Variants in KLHDC7B observed in about 807,000 individuals in gnomAD.
KLHDC7B encodes the protein kelch domain-containing protein 7B.
A neutral mutation model predicts 0.6 loss-of-function variants in KLHDC7B; 1 was observed. The observed-to-expected ratio is 1.71, with a 90% CI of 0.61 to 8.11. The LOEUF is 8.11. Among genes scored for constraint, KLHDC7B ranks in the 30% most tolerant of loss-of-function variants. The pLI, the probability that KLHDC7B is intolerant of heterozygous loss-of-function variation, is 0.13. For synonymous variants in KLHDC7B, 462 were observed against 405.2 expected, an observed-to-expected ratio of 1.14 and a Z score of -1.68; for missense variants, 993 against 894.9, an observed-to-expected ratio of 1.11 and a Z score of -1.40.
Position 50,550,091 on chromosome 22 carries a change from T to C in KLHDC7B, c.*140T>C. ...TTCTGGACAACTTTCCCCTTCTGCT[T>C]TAAAGGTTGTCGATTATTTTGAAGC... On this transcript the variant is annotated 3_prime_UTR_variant, in exon 1 of 1. Coordinates refer to ENST00000648057, the MANE Select transcript of KLHDC7B (RefSeq NM_138433.5). 1 of 904,796 alleles carries C rather than the reference T, an allele frequency of 1.1e-6. No individual in the cohort carries two copies. Among genetic ancestry groups the C allele is most frequent in the Non-Finnish European group, 1.6e-6 (1 of 617,546 alleles). 56.0% of individuals were successfully genotyped at this position (904,796 alleles called of 1,614,324 possible).
rs749997916 is a variant in KLHDC7B, at chr22:50,549,161, G to T, written c.2918G>T (p.Trp973Leu). 6.2e-7 allele frequency: 1 copy of T among 1,604,576 alleles called. No individual in the cohort carries two copies. The highest frequency in any genetic ancestry group is 1.1e-5 in the South Asian group (1 of 91,072). Residue 973 changes from tryptophan to leucine, a missense_variant, in exon 1 of 1, where the codon TGG becomes TTG. Physicochemically the swap from Trp to Leu is moderately conservative, Grantham distance 61. Transcript: ENST00000648057. ...LHVFNPRENT[W>L]RPLTQVPEEA... Reference sequence around the variant, plus strand: ...GTGTTCAACCCCCGGGAGAACACCTGGCGGCCCCTGACCCAGGTGCCCGAG... The same window carrying T: ...GTGTTCAACCCCCGGGAGAACACCTTGCGGCCCCTGACCCAGGTGCCCGAG...
Position 50,548,897 on chromosome 22 carries a change from C to A in KLHDC7B, c.2654C>A (p.Ala885Glu). ...CCCGGCCTGGCGCAGGAGACCTACG[C>A]GCTGATGAGCGACAACCTGCTGCGA... The part of the protein sequence containing the change: ...GEPGLAQETY[A>E]LMSDNLLRVL... The change falls in exon 1 of 1, where the codon GCG becomes GAG. Residue 885 changes from alanine to glutamate, a missense_variant. Coordinates refer to ENST00000648057, the MANE Select transcript of KLHDC7B (RefSeq NM_138433.5). This position sits in a 1 kb window ranked among gnomAD's most constrained non-coding sequence, Gnocchi z 5.3. 6.3e-7 allele frequency: 1 copy of A among 1,584,618 alleles called. No individual in the cohort carries two copies. Among genetic ancestry groups the A allele is most frequent in the Non-Finnish European group, 8.6e-7 (1 of 1,166,960 alleles).
chr22:50,547,186 G>T (rs2069739393), upstream of KLHDC7B, among the ~76,000 whole-genome samples: 1 of 151,830 alleles, frequency 6.6e-6, no homozygotes, highest in African/African-American at 2.4e-5. Context: ...CTGGAGCAGG[G>T]AGGCCTCGGG....
Position 50,548,247 on chromosome 22 carries a change from G to T in KLHDC7B, c.2004G>T (p.Val668=). The change falls in exon 1 of 1, where the codon GTG becomes GTT. Residue 668 remains valine, a synonymous_variant. Coordinates refer to ENST00000648057, the MANE Select transcript of KLHDC7B (RefSeq NM_138433.5). The surrounding 1 kb of genome is among the most constrained non-coding windows in gnomAD (Gnocchi z 5.3). Reference sequence around the variant, plus strand: ...CGAGGGCGGTTCCCGGGAGCCCCGTGGGTCCCAGCACTTCCACACACTCTG... The same window carrying T: ...CGAGGGCGGTTCCCGGGAGCCCCGTTGGTCCCAGCACTTCCACACACTCTG... ...SVPRAVPGSP[V]GPSTSTHSED... 1 of 1,550,772 alleles carries T rather than the reference G, an allele frequency of 6.4e-7. No homozygotes were observed. Among genetic ancestry groups the T allele is most frequent in the African/African-American group, 1.4e-5 (1 of 73,108 alleles).
chr22:50,547,402 G>A lies in KLHDC7B; in HGVS notation c.1159G>A (p.Ala387Thr), dbSNP rs1569029316. Among the ~76,000 whole-genome samples the A allele has an allele frequency of 6.6e-6, 1 of 151,784 alleles. No individual in the cohort carries two copies. The highest frequency in any genetic ancestry group is 2.4e-5 in the African/African-American group (1 of 41,294). Residue 387 changes from alanine to threonine, a missense_variant, in exon 1 of 1, where the codon GCT (alanine) becomes ACT (threonine). Transcript: ENST00000648057. The part of the protein sequence containing the change: ...ADSSRDNSPA[A>T]DLGPTRPPEQ... Reference sequence around the variant, plus strand: ...CAGCTCCCGAGATAACAGTCCTGCCGCTGACCTGGGGCCCACCCGGCCCCC... The same window carrying A: ...CAGCTCCCGAGATAACAGTCCTGCCACTGACCTGGGGCCCACCCGGCCCCC...
At position 50,548,817 on chromosome 22, in the gene KLHDC7B, G is replaced by A; in HGVS notation, c.2574G>A (p.Arg858=). 6.7e-7 allele frequency: 1 copy of A among 1,495,578 alleles called. No individual in the cohort carries two copies. The highest frequency in any genetic ancestry group is 1.4e-5 in the African/African-American group (1 of 68,980). The allele number at this position is 1,495,578 out of a possible 1,614,324, so 92.6% of individuals were successfully genotyped here. The change falls in exon 1 of 1, where the codon CGG becomes CGA. Residue 858 remains arginine, a synonymous_variant. Transcript: ENST00000648057. This position sits in a 1 kb window ranked among gnomAD's most constrained non-coding sequence, Gnocchi z 5.3. ...CCACGGCGGCAGCCCTGCGGCGGCG[G>A]CTGGACCTGGGCAGTTGCCTGGACG... ...EPATAAALRR[R]LDLGSCLDVL... is the part of the protein sequence containing the mutation.
chr22:50,549,046 G>A lies in KLHDC7B; in HGVS notation c.2803G>A (p.Gly935Arg), dbSNP rs751545833. ...CCTCGTACTGCCCAGCCTCTACCAGGGGGGCCGCTCAGGGCTCCCCAGGGG... is the reference window on the plus strand; with the variant it reads ...CCTCGTACTGCCCAGCCTCTACCAGAGGGGCCGCTCAGGGCTCCCCAGGGG... ...GVLVLPSLYQ[G>R]GRSGLPRGPR... Residue 935 changes from glycine (G) to arginine (R), a missense_variant, in exon 1 of 1, where the codon GGG (glycine) becomes AGG (arginine). By Grantham distance (125) the Gly-to-Arg change is moderately radical. Coordinates refer to ENST00000648057, the MANE Select transcript of KLHDC7B (RefSeq NM_138433.5). 3 of 1,596,982 alleles carry A rather than the reference G, an allele frequency of 1.9e-6. No homozygotes were observed. Among genetic ancestry groups the A allele is most frequent in the Non-Finnish European group, 2.5e-6 (3 of 1,177,596 alleles).
At position 50,549,843 on chromosome 22, in the gene KLHDC7B, C is replaced by T. The variant is rs369228735; in HGVS notation, c.3600C>T (p.Ala1200=). 1 of 1,584,688 alleles carries T rather than the reference C, an allele frequency of 6.3e-7. No homozygotes were observed. Among genetic ancestry groups the T allele is most frequent in the Non-Finnish European group, 8.6e-7 (1 of 1,165,108 alleles). The change falls in exon 1 of 1, where the codon GCC becomes GCT. Residue 1200 remains alanine (A), a synonymous_variant. Coordinates refer to ENST00000648057, the MANE Select transcript of KLHDC7B (RefSeq NM_138433.5). ...CCTTCACGGTCTCTGGGGGGACTGC[C>T]CAGTTCCAGGCCAAGGAGCTGCAGC... ...TATFTVSGGT[A]QFQAKELQPF...
rs1209544799 is a variant in KLHDC7B at position 50,545,949 on chromosome 22, G to A, written c.-295G>A. Among the ~76,000 whole-genome samples, 1 of 151,066 alleles carries A rather than the reference G, an allele frequency of 6.6e-6. No homozygotes were observed. The highest frequency in any genetic ancestry group is 2.4e-5 in the African/African-American group (1 of 41,266). On this transcript the variant is annotated 5_prime_UTR_variant, in exon 1 of 1. Coordinates refer to ENST00000648057, the MANE Select transcript of KLHDC7B (RefSeq NM_138433.5). ...CACAGAGCTCAGGAACGCTGCCTGA[G>A]GACCCTGGGGCCTACGAGGAGGAGA... is the stretch of plus-strand genomic sequence containing the variant.
In KLHDC7B at chr22:50,549,453, C is replaced by T; in HGVS notation, c.3210C>T (p.Thr1070=). The T allele has an allele frequency of 6.2e-7, 1 of 1,612,640 alleles. No individual in the cohort carries two copies. ...ACGACCCGCGAACAGACGCCTGGAC[C>T]CCACGCGCGCCACTCCCCGCAGGCA... ...ECYDPRTDAW[T]PRAPLPAGTF... is the part of the protein sequence containing the mutation. The change falls in exon 1 of 1, where the codon ACC becomes ACT. Residue 1070 remains threonine, a synonymous_variant. Coordinates refer to ENST00000648057, the MANE Select transcript of KLHDC7B (RefSeq NM_138433.5).
At position 50,549,218 on chromosome 22, in the gene KLHDC7B, C is replaced by T. The variant is rs750018087; in HGVS notation, c.2975C>T (p.Thr992Ile). The T allele has an allele frequency of 6.2e-7, 1 of 1,608,234 alleles. No homozygotes were observed. Among genetic ancestry groups the T allele is most frequent in the Non-Finnish European group, 8.5e-7 (1 of 1,179,906 alleles). Residue 992 changes from threonine to isoleucine, a missense_variant, in exon 1 of 1, where the codon ACC becomes ATC. Physicochemically the swap from Thr to Ile is moderately conservative, Grantham distance 89. Coordinates refer to ENST00000648057, the MANE Select transcript of KLHDC7B (RefSeq NM_138433.5). ...EAPLRGCGLC[T>I]MHNYLFLAGG... The stretch of plus-strand genomic sequence containing the variant: ...CCGCTTCGGGGCTGCGGTCTCTGCA[C>T]CATGCACAACTACCTGTTTCTGGCG...
rs773638376 is a variant in KLHDC7B at position 50,550,956 on chromosome 22, C to A, written c.*1005C>A. 3 of 338,200 alleles carry A rather than the reference C, an allele frequency of 8.9e-6. No individual in the cohort carries two copies. Among genetic ancestry groups the A allele is most frequent in the Non-Finnish European group, 1.2e-5 (2 of 170,456 alleles). 20.9% of individuals were successfully genotyped at this position (338,200 alleles called of 1,614,324 possible). A position where few individuals can be genotyped will look rare whatever the true frequency, so the allele number is the denominator to read the frequency against. On this transcript the variant is annotated 3_prime_UTR_variant, in exon 1 of 1. Transcript: ENST00000648057. ...CCAGCCTGGATGTCCCTGTCTGGGC[C>A]CTTTTTCTGTTTTTTATTCTATGTT...
rs529176512 is a variant in KLHDC7B at position 50,550,128 on chromosome 22, C to T, written c.*177C>T. 14 of 642,788 alleles carry T rather than the reference C, an allele frequency of 2.2e-5. No individual in the cohort carries two copies. Among genetic ancestry groups the T allele is most frequent in the African/African-American group, 5.5e-5 (3 of 54,142 alleles). 39.8% of individuals were successfully genotyped at this position (642,788 alleles called of 1,614,324 possible). Reference sequence around the variant, plus strand: ...GATTATTTTGAAGCCCAGACTCCCTCAGCCTCTTTCTGCCCCTCACTCCAC... The same window carrying T: ...GATTATTTTGAAGCCCAGACTCCCTTAGCCTCTTTCTGCCCCTCACTCCAC... On this transcript the variant is annotated 3_prime_UTR_variant, in exon 1 of 1. Coordinates refer to ENST00000648057, the MANE Select transcript of KLHDC7B (RefSeq NM_138433.5).
Position 50,546,621 on chromosome 22 carries a change from G to C in KLHDC7B, c.378G>C (p.Thr126=). The change falls in exon 1 of 1, where the codon ACG becomes ACC. Residue 126 remains threonine, a synonymous_variant. Coordinates refer to ENST00000648057, the MANE Select transcript of KLHDC7B (RefSeq NM_138433.5). ...LAAMARLPLK[T]AVEEARREAL... ...CCATGGCCCGGCTTCCACTCAAGAC[G>C]GCTGTCGAGGAGGCCCGCAGAGAGG... 1 of 397,032 alleles carries C rather than the reference G, an allele frequency of 2.5e-6. No individual in the cohort carries two copies. The highest frequency in any genetic ancestry group is 4.4e-6 in the Non-Finnish European group (1 of 225,326). 24.6% of individuals were successfully genotyped at this position (397,032 alleles called of 1,614,324 possible).
chr22:50,548,936 C>G lies in KLHDC7B; in HGVS notation c.2693C>G (p.Pro898Arg). 6.3e-7 allele frequency: 1 copy of G among 1,597,408 alleles called. No homozygotes were observed. The highest frequency in any genetic ancestry group is 1.3e-5 in the African/African-American group (1 of 74,666). ...SDNLLRVLGD[P>R]CLYRRLSAAD... ...AACCTGCTGCGAGTGCTGGGAGACC[C>G]GTGCCTCTACCGCCGGCTGAGCGCG... The change falls in exon 1 of 1, where the codon CCG (proline) becomes CGG (arginine). Residue 898 changes from proline (P) to arginine (R), a missense_variant. Coordinates refer to ENST00000648057, the MANE Select transcript of KLHDC7B (RefSeq NM_138433.5). The surrounding 1 kb of genome is among the most constrained non-coding windows in gnomAD (Gnocchi z 5.3).
Position 50,549,353 on chromosome 22 carries a change from C to T in KLHDC7B, c.3110C>T (p.Ala1037Val). The T allele has an allele frequency of 1.2e-6, 2 of 1,612,876 alleles. No homozygotes were observed. Among genetic ancestry groups the T allele is most frequent in the Non-Finnish European group, 1.7e-6 (2 of 1,179,974 alleles). Reference sequence around the variant, plus strand: ...GTTCGGCCCATGCAGCAGGCCCGAGCCCAGCTCAAGCTGGTGGCCCTGGAC... The same window carrying T: ...GTTCGGCCCATGCAGCAGGCCCGAGTCCAGCTCAAGCTGGTGGCCCTGGAC... ...SQVRPMQQAR[A>V]QLKLVALDGL... The change falls in exon 1 of 1, where the codon GCC becomes GTC. Residue 1037 changes from alanine (A) to valine (V), a missense_variant. Coordinates refer to ENST00000648057, the MANE Select transcript of KLHDC7B (RefSeq NM_138433.5).
At position 50,549,636 on chromosome 22, in the gene KLHDC7B, A is replaced by G. The variant is rs2148696228; in HGVS notation, c.3393A>G (p.Ala1131=). ...ACCGGCGTTCCAGCGACATCGTGGC[A>G]CTGGGGGGCTTCCTGTACCGCTTCG... ...ASHRRSSDIV[A]LGGFLYRFDL... Residue 1131 remains alanine, a synonymous_variant, in exon 1 of 1, where the codon GCA becomes GCG. Coordinates refer to ENST00000648057, the MANE Select transcript of KLHDC7B (RefSeq NM_138433.5). 6.4e-7 allele frequency: 1 copy of G among 1,556,486 alleles called. No individual in the cohort carries two copies. The highest frequency in any genetic ancestry group is 8.7e-7 in the Non-Finnish European group (1 of 1,148,430).
In KLHDC7B at chr22:50,548,251, C is replaced by T. The variant is rs2148695380; in HGVS notation, c.2008C>T (p.Pro670Ser). The T allele has an allele frequency of 6.4e-7, 1 of 1,550,946 alleles. No individual in the cohort carries two copies. The highest frequency in any genetic ancestry group is 8.7e-7 in the Non-Finnish European group (1 of 1,146,870). The change falls in exon 1 of 1, where the codon CCC becomes TCC. Residue 670 changes from proline (P) to serine (S), a missense_variant. By Grantham distance (74) the Pro-to-Ser change is moderately conservative. Transcript: ENST00000648057. The surrounding 1 kb of genome is among the most constrained non-coding windows in gnomAD (Gnocchi z 5.3). ...GGCGGTTCCCGGGAGCCCCGTGGGT[C>T]CCAGCACTTCCACACACTCTGAGGA... ...PRAVPGSPVG[P>S]STSTHSEDRH...
In KLHDC7B at chr22:50,548,705, G is replaced by T; in HGVS notation, c.2462G>T (p.Arg821Leu). Residue 821 changes from arginine to leucine, a missense_variant, in exon 1 of 1, where the codon CGG becomes CTG. Arg to Leu is a moderately radical substitution (Grantham distance 102). Coordinates refer to ENST00000648057, the MANE Select transcript of KLHDC7B (RefSeq NM_138433.5). The surrounding 1 kb of genome is among the most constrained non-coding windows in gnomAD (Gnocchi z 5.3). ...GALTEKQEEARKLMVFLQRPG... is the reference protein window; with the variant it reads ...GALTEKQEEALKLMVFLQRPG... ...CTCACGGAAAAGCAGGAGGAGGCCC[G>T]GAAGCTCATGGTGTTTCTGCAGAGG... 6.6e-7 allele frequency: 1 copy of T among 1,512,886 alleles called. No individual in the cohort carries two copies. The allele number at this position is 1,512,886 out of a possible 1,614,324, so 93.7% of individuals were successfully genotyped here. A position where few individuals can be genotyped will look rare whatever the true frequency, so the allele number is the denominator to read the frequency against.
Sources: allele counts gnomAD v4.1 joint callset (sites outside exome capture counted in the v4.1 genomes callset), GRCh38; gene constraint gnomAD v4.1.1; non-coding constraint Gnocchi (gnomAD v3.1); transcripts MANE v1.5; gene names NCBI Gene and HGNC (gene_info 2026-07-23, HGNC 2026-07-21).